SULF2: variants seen among roughly 807,000 people sequenced by gnomAD.
SULF2 encodes sulfatase 2.
In SULF2, 52 loss-of-function variants were observed where a neutral mutation model predicts 107.7. The observed-to-expected ratio is 0.48, with a 90% confidence interval of 0.39 to 0.61. The LOEUF (loss-of-function observed/expected upper bound fraction) is 0.61, where lower values mean the gene tolerates loss of function less well. SULF2 is among the 20% of genes least tolerant of loss of function. The probability of loss-of-function intolerance (pLI) is 0.00; values close to 1 mark genes in which losing one functional copy is unlikely to be tolerated. For synonymous variants in SULF2, 460 were observed against 464.3 expected, an observed-to-expected ratio of 0.99 and a Z score of 0.12; for missense variants, 993 against 1,177.3, an observed-to-expected ratio of 0.84 and a Z score of 2.29.
intron 2 of SULF2, among the ~76,000 whole-genome samples, chr20:47,754,547 G>A (rs2090235923): frequency 6.6e-6 from 1 of 152,178 alleles, no homozygotes; most frequent in Admixed American, 6.5e-5. Flanking sequence ...TAGAGGGCAA[G>A]ACTTGTAGGC....
At chr20:47,720,271 T>A (rs925263105) in intron 3 of SULF2, among the ~76,000 whole-genome samples, 2 of 152,134 alleles carry the variant, frequency 1.3e-5, no homozygotes, top group Admixed American at 1.3e-4. Context: ...ATTTTATTTT[T>A]TTTGAGACAG....
In SULF2 at chr20:47,737,755, G is replaced by GTTTTTTTTTTTTTTTT. The variant is rs11484375; in HGVS notation, c.176-829_176-814dup. 1.3e-4 allele frequency among the ~76,000 whole-genome samples: 8 copies of GTTTTTTTTTTTTTTTT among 61,834 alleles called. 1 individual carries two copies. The highest frequency in any genetic ancestry group is 2.5e-4 in the African/African-American group (4 of 15,948). 40.6% of individuals were successfully genotyped at this position (61,834 alleles called of 152,430 possible). ...CTGCTCTTGTTTCTTTCTTTTCTTT[G>GTTTTTTTTTTTTTTTT]TTTTTTTTTTTTTTTTTTTTTTTTT... On this transcript the variant is annotated intron_variant, in intron 2 of 20. Coordinates refer to ENST00000688720, the MANE Select transcript of SULF2 (RefSeq NM_001387048.1).
intron 1 of SULF2, among the ~76,000 whole-genome samples, chr20:47,784,133 CT>C (rs1326299086): frequency 6.6e-6 from 1 of 152,164 alleles, no homozygotes; most frequent in Non-Finnish European, 1.5e-5. Flanking sequence ...CTGTCTCCCC[CT>C]GAGAACCTGC....
chr20:47,686,487 G>T (rs536935843), intron 5 of SULF2, among the ~76,000 whole-genome samples: 1 of 152,350 alleles, frequency 6.6e-6, no homozygotes, highest in African/African-American at 2.4e-5. Context: ...TTGAAGGCCA[G>T]GTTCCCTGCA....
chr20:47,745,591 C>T (rs1412514779), intron 2 of SULF2, among the ~76,000 whole-genome samples: 3 of 151,622 alleles, frequency 2.0e-5, no homozygotes, highest in South Asian at 2.1e-4. Flanking sequence ...TGCAATGGCA[C>T]CATCTCGGTT....
intron 3 of SULF2, among the ~76,000 whole-genome samples, chr20:47,725,278 G>C (rs1192336023): frequency 1.3e-5 from 2 of 152,110 alleles, no homozygotes; most frequent in Non-Finnish European, 2.9e-5. Flanking sequence ...GTACATTCCT[G>C]GGAATATGCA....
At chr20:47,674,934 G>A (rs372318444) in intron 10 of SULF2, among the ~76,000 whole-genome samples, 5 of 152,318 alleles carry the variant, frequency 3.3e-5, no homozygotes, top group Admixed American at 1.3e-4. Flanking sequence ...GGGCTGGGTC[G>A]GGGGCCGTGG....
chr20:47,760,985 C>T (rs150642059), intron 1 of SULF2, among the ~76,000 whole-genome samples: 4,000 of 152,336 alleles, frequency 0.026, 84 homozygotes, highest in South Asian at 0.053. Context: ...GAGCTAGTAA[C>T]TTAACACCTT....
Position 47,658,334 on chromosome 20 carries a change from GT to G in SULF2, c.*27del. 1 of 1,613,490 alleles carries G rather than the reference GT, an allele frequency of 6.2e-7. No individual in the cohort carries two copies. Among genetic ancestry groups the G allele is most frequent in the Non-Finnish European group, 8.5e-7 (1 of 1,179,386 alleles). On this transcript the variant is annotated 3_prime_UTR_variant, in exon 21 of 21. Coordinates refer to ENST00000688720, the MANE Select transcript of SULF2 (RefSeq NM_001387048.1). ...CTGTGCAGTCAGGTGATGCCTCTAT[GT>G]TTTTGGAGGTCCACCTCTGTTGTTT... is the stretch of plus-strand genomic sequence containing the variant.
chr20:47,748,003 G>A (rs928300769), intron 2 of SULF2, among the ~76,000 whole-genome samples: 4 of 152,260 alleles, frequency 2.6e-5, no homozygotes, highest in East Asian at 3.9e-4. Context: ...CCCTGCTTCC[G>A]CTCTTGTCCC....
chr20:47,776,924 G>C (rs1246123140), intron 1 of SULF2, among the ~76,000 whole-genome samples: 2 of 152,152 alleles, frequency 1.3e-5, no homozygotes, highest in Non-Finnish European at 2.9e-5. Flanking sequence ...AAACATGCTA[G>C]CCAGATGTGC....
At chr20:47,740,089 T>A (rs1191789024) in intron 2 of SULF2, among the ~76,000 whole-genome samples, 2 of 152,184 alleles carry the variant, frequency 1.3e-5, no homozygotes, top group Non-Finnish European at 2.9e-5. Flanking sequence ...AGGGCAGTCT[T>A]CTATGCCAGT....
At chr20:47,703,346 T>C (rs140253623) in intron 3 of SULF2, among the ~76,000 whole-genome samples, 2 of 152,358 alleles carry the variant, frequency 1.3e-5, no homozygotes, top group African/African-American at 2.4e-5. Flanking sequence ...TCTGCCAACA[T>C]ACTGTGGTTT....
At chr20:47,689,032 C>A (rs777736674) in intron 5 of SULF2, among the ~76,000 whole-genome samples, 30 of 152,148 alleles carry the variant, frequency 2.0e-4, no homozygotes, top group Non-Finnish European at 3.5e-4. Context: ...TCCCAGCCAG[C>A]TGGATAGAGT....
At chr20:47,769,861 T>C (rs2090596375) in intron 1 of SULF2, among the ~76,000 whole-genome samples, 1 of 151,966 alleles carries the variant, frequency 6.6e-6, no homozygotes. Flanking sequence ...GGTGGATCCC[T>C]GCAGGAGGGG....
At chr20:47,679,183 G>C (rs1602625019) in intron 7 of SULF2, among the ~76,000 whole-genome samples, 1 of 152,078 alleles carries the variant, frequency 6.6e-6, no homozygotes, top group East Asian at 1.9e-4. Context: ...GCTCCTCGCT[G>C]TTCCTTGACA....
chr20:47,692,482 C>A (rs2088230016), intron 4 of SULF2, among the ~76,000 whole-genome samples: 1 of 152,220 alleles, frequency 6.6e-6, no homozygotes, highest in Admixed American at 6.5e-5. Flanking sequence ...ACAATCATAG[C>A]TCAGTGTAAC....
intron 10 of SULF2, among the ~76,000 whole-genome samples, chr20:47,673,390 G>A (rs116004187): frequency 1.5e-3 from 227 of 152,244 alleles, no homozygotes; most frequent in African/African-American, 5.3e-3. Flanking sequence ...TTACTGTGCC[G>A]ATTCAAGATG....
intron 3 of SULF2, among the ~76,000 whole-genome samples, chr20:47,729,892 C>A (rs1253333913): frequency 1.3e-5 from 2 of 152,204 alleles, no homozygotes; most frequent in African/African-American, 4.8e-5. Flanking sequence ...CCTGCCCCTG[C>A]GGTCCTGAAT....
Sources: gnomAD v4.1 joint callset for allele counts (sites outside exome capture counted in the v4.1 genomes callset) on GRCh38, gnomAD v4.1.1 for gene constraint, MANE v1.5 for transcripts, NCBI Gene and HGNC (gene_info 2026-07-23, HGNC 2026-07-21) for gene names.